Variants in RABGEF1 observed in about 807,000 individuals in gnomAD.
The protein encoded by RABGEF1 is rab5 GDP/GTP exchange factor.
In RABGEF1, 26 loss-of-function variants were observed where a neutral mutation model predicts 57.3. The observed-to-expected ratio is 0.45, with a 90% confidence interval of 0.33 to 0.63. RABGEF1 has a LOEUF of 0.63. RABGEF1 is among the 20% of genes least tolerant of loss of function. The pLI, the probability that RABGEF1 is intolerant of heterozygous loss-of-function variation, is 0.02. For missense variants in RABGEF1, 464 were observed against 607.6 expected, an observed-to-expected ratio of 0.76 and a Z score of 2.48; for synonymous variants, 185 against 210.7, an observed-to-expected ratio of 0.88 and a Z score of 1.06.
At chr7:66,694,155 G>C (rs1307294273) in intron 1 of RABGEF1, among the ~76,000 whole-genome samples, 5 of 152,208 alleles carry the variant, frequency 3.3e-5, no homozygotes, top group Non-Finnish European at 7.3e-5. Context: ...CCTGCAGAGA[G>C]AGCAGAAGGA....
intron 7 of RABGEF1, among the ~76,000 whole-genome samples, chr7:66,801,819 T>C (rs1394830003): frequency 6.6e-6 from 1 of 152,194 alleles, no homozygotes; most frequent in African/African-American, 2.4e-5. Context: ...ATGACTTCTG[T>C]GTGGCTATGG....
chr7:66,735,534 C>G (rs1376378425), intron 2 of RABGEF1, among the ~76,000 whole-genome samples: 7 of 152,180 alleles, frequency 4.6e-5, no homozygotes, highest in Non-Finnish European at 1.0e-4. Flanking sequence ...GCCCAAATCT[C>G]ATGTCAAATT....
At chr7:66,665,161 T>C in the RABGEF1 span, 2 of 152,136 alleles carry the variant, frequency 1.3e-5, no homozygotes, top group Non-Finnish European at 2.9e-5. Context: ...TGTTTTTTTT[T>C]TTAACTAGAA....
At chr7:66,737,492 TC>T (rs1798138185), upstream of RABGEF1, among the ~76,000 whole-genome samples, 1 of 152,070 alleles carries the variant, frequency 6.6e-6, no homozygotes, top group East Asian at 1.9e-4. Context: ...GATCCGGATT[TC>T]GGGGCTCAGC....
chr7:66,674,841 G>C, the RABGEF1 span, among the ~76,000 whole-genome samples: 1 of 151,874 alleles, frequency 6.6e-6, no homozygotes, highest in African/African-American at 2.4e-5. Context: ...GAATGGAAAA[G>C]TTTCATCTTG....
At chr7:66,720,862 T>A (rs540125942) in intron 2 of RABGEF1, among the ~76,000 whole-genome samples, 3 of 152,206 alleles carry the variant, frequency 2.0e-5, no homozygotes, top group Non-Finnish European at 4.4e-5. Context: ...CAATTGAATT[T>A]CCATATGCTA....
intron 4 of RABGEF1, among the ~76,000 whole-genome samples, chr7:66,789,581 G>A (rs947708663): frequency 4.7e-5 from 7 of 148,546 alleles, no homozygotes; most frequent in Non-Finnish European, 7.4e-5. Flanking sequence ...TGCTTGGGAG[G>A]TTGAGGCAGG....
At chr7:66,804,910 T>A (rs1361501979) in intron 7 of RABGEF1, among the ~76,000 whole-genome samples, 1 of 152,108 alleles carries the variant, frequency 6.6e-6, no homozygotes, top group Non-Finnish European at 1.5e-5. Context: ...TTGCATAATA[T>A]GAGGATTAGA....
At chr7:66,783,478 A>G (rs533655447) in intron 3 of RABGEF1, among the ~76,000 whole-genome samples, 197 bp from the exon 4 acceptor site, 93 of 152,294 alleles carry the variant, frequency 6.1e-4, no homozygotes, top group African/African-American at 2.2e-3. Flanking sequence ...AGTTTTGTCT[A>G]CTCATACTTC....
chr7:66,673,193 G>C, the RABGEF1 span, among the ~76,000 whole-genome samples: 5 of 140,974 alleles, frequency 3.5e-5, no homozygotes, highest in African/African-American at 1.4e-4. Context: ...TGTGACCTAT[G>C]ATTCATCAGC....
chr7:66,802,718 T>C (rs1787570909), intron 7 of RABGEF1, among the ~76,000 whole-genome samples: 1 of 152,226 alleles, frequency 6.6e-6, no homozygotes, highest in African/African-American at 2.4e-5. Context: ...GGATGAAGCA[T>C]GTGGAAGAGA....
At chr7:66,733,614 C>T (rs373793709) in intron 2 of RABGEF1, among the ~76,000 whole-genome samples, 1 of 152,082 alleles carries the variant, frequency 6.6e-6, no homozygotes, top group South Asian at 2.1e-4. Flanking sequence ...AGAAGAATTG[C>T]GTGAACCCGG....
At chr7:66,739,390 C>T (rs1265280987), upstream of RABGEF1, among the ~76,000 whole-genome samples, 1 of 151,300 alleles carries the variant, frequency 6.6e-6, no homozygotes, top group African/African-American at 2.4e-5. Context: ...CGCAGTAGCT[C>T]ACACCTATAA....
intron 4 of RABGEF1, among the ~76,000 whole-genome samples, chr7:66,789,869 T>C (rs1300791507): frequency 6.6e-6 from 1 of 152,000 alleles, no homozygotes; most frequent in Admixed American, 6.6e-5. Context: ...GTTGGCATTG[T>C]CTCCCAGCCT....
chr7:66,674,985 T>A, the RABGEF1 span, among the ~76,000 whole-genome samples: 1 of 152,012 alleles, frequency 6.6e-6, no homozygotes, highest in Non-Finnish European at 1.5e-5. Context: ...CTAGATGTCA[T>A]ATTTTTCCAT....
the RABGEF1 span, among the ~76,000 whole-genome samples, chr7:66,655,580 T>G: frequency 2.5e-4 from 38 of 152,308 alleles, 1 homozygote; most frequent in Admixed American, 1.8e-3. Context: ...ATGTTACCCA[T>G]GCAGGTGTCA....
At chr7:66,733,446 C>T (rs1001784765) in intron 2 of RABGEF1, among the ~76,000 whole-genome samples, 3 of 152,008 alleles carry the variant, frequency 2.0e-5, no homozygotes, top group Admixed American at 2.0e-4. Flanking sequence ...CACCTGTAAT[C>T]CCAGCACTTT....
chr7:66,768,391 T>C (rs2129102634), intron 1 of RABGEF1, among the ~76,000 whole-genome samples: 1 of 152,352 alleles, frequency 6.6e-6, no homozygotes, highest in South Asian at 2.1e-4. Flanking sequence ...GGGTGGTTTG[T>C]TTTCTGACAT....
At chr7:66,673,274 C>T in the RABGEF1 span, among the ~76,000 whole-genome samples, 3 of 151,262 alleles carry the variant, frequency 2.0e-5, no homozygotes, top group East Asian at 5.8e-4. Flanking sequence ...GCATTTCTTA[C>T]TATACAGCTT....
Sources: allele counts gnomAD v4.1 joint callset (sites outside exome capture counted in the v4.1 genomes callset), GRCh38; gene constraint gnomAD v4.1.1; transcripts MANE v1.5; gene names NCBI Gene and HGNC (gene_info 2026-07-23, HGNC 2026-07-21).